TAFA2: variants seen among roughly 807,000 people sequenced by gnomAD.
The protein encoded by TAFA2 is chemokine-like protein TAFA-2.
A neutral mutation model predicts 18.8 loss-of-function variants in TAFA2; 7 were observed. The observed-to-expected ratio is 0.37, with a 90% CI of 0.21 to 0.70. TAFA2 has a LOEUF of 0.70. Ranked by LOEUF, TAFA2 falls within the 30% of genes least tolerant of loss-of-function variation. The pLI, the probability that TAFA2 is intolerant of heterozygous loss-of-function variation, is 0.53. For missense variants in TAFA2, 122 were observed against 158.1 expected, an observed-to-expected ratio of 0.77 and a Z score of 1.23; for synonymous variants, 60 against 54.2, an observed-to-expected ratio of 1.11 and a Z score of -0.47.
At chr12:62,113,706 T>TA (rs929548394) in intron 1 of TAFA2, among the ~76,000 whole-genome samples, 11 of 151,986 alleles carry the variant, frequency 7.2e-5, no homozygotes, top group African/African-American at 2.7e-4. Context: ...AGGAGAAAAA[T>TA]AGAGAGGCAG....
At chr12:62,078,242 C>A (rs934084128) in intron 1 of TAFA2, among the ~76,000 whole-genome samples, 2 of 152,202 alleles carry the variant, frequency 1.3e-5, no homozygotes, top group South Asian at 4.2e-4. Flanking sequence ...AATTCCTAAC[C>A]ATAAAAGGCA....
intron 1 of TAFA2, among the ~76,000 whole-genome samples, chr12:61,903,504 G>C (rs1022897302): frequency 7.2e-5 from 11 of 152,238 alleles, no homozygotes; most frequent in African/African-American, 2.2e-4. Flanking sequence ...AGTTCCGTAA[G>C]AGAAAACTTT....
At position 62,239,359 on chromosome 12, in the gene TAFA2, C is replaced by A. The variant is rs141167204; in HGVS notation, c.-130+19404G>T. ...CCACCTTATCTCTGTATTTTAACTA[C>A]CATTAGTATGCTAATGGCCCCTGAA... On this transcript the variant is annotated intron_variant, in intron 1 of 5. Transcript: ENST00000551619. 9.5e-3 allele frequency among the ~76,000 whole-genome samples: 1,447 copies of A among 152,280 alleles called. 25 individuals are homozygous for A. The highest frequency in any genetic ancestry group is 0.033 in the African/African-American group (1,375 of 41,552).
In TAFA2 at chr12:61,815,982, T is replaced by TA. The variant is rs888024861; in HGVS notation, c.106+51337dup. On this transcript the variant is annotated intron_variant, in intron 2 of 4. Transcript: ENST00000416284. ...GAAGGGAGAAGCACTATAGGGAAAA[T>TA]AAAAAAAAGATGGTGTGGGTCTCAG... is the stretch of plus-strand genomic sequence containing the variant. Among the ~76,000 whole-genome samples the TA allele has an allele frequency of 9.9e-5, 15 of 150,894 alleles. 1 individual carries two copies. Among genetic ancestry groups the TA allele is most frequent in the Admixed American group, 3.9e-4 (6 of 15,198 alleles).
At chr12:62,121,908 C>T (rs893174776) in intron 1 of TAFA2, among the ~76,000 whole-genome samples, 2 of 152,212 alleles carry the variant, frequency 1.3e-5, no homozygotes, top group Non-Finnish European at 2.9e-5. Flanking sequence ...AAATCAGTGT[C>T]ACCTTTGTAT....
intron 1 of TAFA2, among the ~76,000 whole-genome samples, chr12:62,065,681 T>G (rs1219152443): frequency 3.3e-5 from 5 of 151,894 alleles, no homozygotes; most frequent in Non-Finnish European, 7.4e-5. Flanking sequence ...CAAGAAGAAC[T>G]GTGTATGCTG....
At chr12:61,869,424 T>C (rs1369037032) in intron 1 of TAFA2, among the ~76,000 whole-genome samples, 1 of 152,204 alleles carries the variant, frequency 6.6e-6, no homozygotes, top group African/African-American at 2.4e-5. Context: ...TAGCCATTAC[T>C]GTAATCATTA....
At chr12:61,712,223 G>A (rs76033056) in intron 4 of TAFA2, among the ~76,000 whole-genome samples, 7,588 of 152,104 alleles carry the variant, frequency 0.05, 262 homozygotes, top group Non-Finnish European at 0.071. Context: ...CAAGTGACAC[G>A]TCCTCTTGAT....
intron 2 of TAFA2, chr12:61,827,148 G>A (rs1872562107): frequency 6.6e-6 from 1 of 152,090 alleles, no homozygotes; most frequent in Non-Finnish European, 1.5e-5. Flanking sequence ...AAAGGAAGCA[G>A]TTTACCTTCT....
At chr12:62,010,189 T>A (rs1880686970) in intron 1 of TAFA2, among the ~76,000 whole-genome samples, 1 of 124,248 alleles carries the variant, frequency 8.0e-6, no homozygotes. Flanking sequence ...CCCCCATTTC[T>A]TTATTTGGTC....
At chr12:62,001,991 A>T (rs1880392035) in intron 1 of TAFA2, among the ~76,000 whole-genome samples, 2 of 152,196 alleles carry the variant, frequency 1.3e-5, no homozygotes, top group African/African-American at 4.8e-5. Context: ...AACAAAAGCC[A>T]GATGGTTTGA....
intron 1 of TAFA2, among the ~76,000 whole-genome samples, chr12:62,053,558 C>T (rs997744848): frequency 4.6e-5 from 7 of 152,106 alleles, no homozygotes; most frequent in Admixed American, 6.5e-5. Context: ...GTTTGAAATA[C>T]GTATTGTTTA....
chr12:62,175,071 A>G (rs1298603238), intron 1 of TAFA2, among the ~76,000 whole-genome samples: 2 of 152,208 alleles, frequency 1.3e-5, no homozygotes, highest in Admixed American at 1.3e-4. Flanking sequence ...AGACTCCAGA[A>G]TTAATTATTG....
intron 1 of TAFA2, among the ~76,000 whole-genome samples, chr12:62,016,187 G>A (rs1028360407): frequency 7.9e-5 from 12 of 152,128 alleles, no homozygotes; most frequent in Non-Finnish European, 1.6e-4. Context: ...TGAGTTCCAC[G>A]TGCACAAATA....
intron 4 of TAFA2, among the ~76,000 whole-genome samples, chr12:61,713,892 T>C (rs1268453339): frequency 6.6e-6 from 1 of 152,212 alleles, no homozygotes; most frequent in Non-Finnish European, 1.5e-5. Flanking sequence ...GCAATATTTA[T>C]ACAATCCAAC....
chr12:62,220,790 C>G (rs916926055), intron 1 of TAFA2, among the ~76,000 whole-genome samples: 3 of 151,878 alleles, frequency 2.0e-5, no homozygotes, highest in African/African-American at 4.8e-5. Flanking sequence ...AAGAAAAGAA[C>G]AAAGGAAGGA....
chr12:62,188,494 G>T (rs1443812660), intron 1 of TAFA2, among the ~76,000 whole-genome samples: 1 of 152,176 alleles, frequency 6.6e-6, no homozygotes, highest in African/African-American at 2.4e-5. Flanking sequence ...ATGTTCATCA[G>T]TTTGCAGTGA....
intron 1 of TAFA2, among the ~76,000 whole-genome samples, chr12:61,967,435 C>G (rs1278147286): frequency 6.6e-6 from 1 of 151,834 alleles, no homozygotes; most frequent in Non-Finnish European, 1.5e-5. Context: ...CATAGCCATT[C>G]ATCATGCACC....
intron 1 of TAFA2, among the ~76,000 whole-genome samples, chr12:62,135,580 G>GA (rs1465939230): frequency 6.8e-6 from 1 of 146,354 alleles, no homozygotes; most frequent in Non-Finnish European, 1.5e-5. Context: ...TTAAACATTA[G>GA]AAAAAAACAG....
Sources: allele counts gnomAD v4.1 joint callset (sites outside exome capture counted in the v4.1 genomes callset), GRCh38; gene constraint gnomAD v4.1.1; transcripts MANE v1.5; gene names NCBI Gene and HGNC (gene_info 2026-07-23, HGNC 2026-07-21).